The following HDAC4 variants were observed in gnomAD, a reference collection of about 807,000 sequenced individuals.
HDAC4 encodes histone deacetylase A.
In HDAC4, 16 loss-of-function variants were observed where a neutral mutation model predicts 135.1. That is an observed-to-expected ratio of 0.12 (90% CI 0.08 to 0.18). The LOEUF is 0.18. HDAC4 is among the 10% of genes least tolerant of loss of function. HDAC4 has a pLI of 1.00. For synonymous variants in HDAC4, 685 were observed against 653.4 expected (o/e 1.05, Z -0.74); for missense variants, 1,143 against 1,511.8 (o/e 0.76, Z 4.05).
intron 13 of HDAC4, among the ~76,000 whole-genome samples, chr2:239,113,495 G>A (rs2038863732): frequency 6.6e-6 from 1 of 152,242 alleles, no homozygotes; most frequent in Non-Finnish European, 1.5e-5. Context: ...ATTGCTCCGT[G>A]TACTACGACG....
At chr2:239,179,327 T>C (rs1366888194) in intron 4 of HDAC4, among the ~76,000 whole-genome samples, 3 of 152,174 alleles carry the variant, frequency 2.0e-5, no homozygotes, top group Non-Finnish European at 4.4e-5. Flanking sequence ...CCTGGCCTGT[T>C]AGGAAATGGG....
chr2:239,343,049 C>T (rs980342002), intron 2 of HDAC4, among the ~76,000 whole-genome samples: 2 of 152,192 alleles, frequency 1.3e-5, no homozygotes, highest in African/African-American at 4.8e-5. Context: ...CCCACCAATG[C>T]GTATCACTCC....
intron 3 of HDAC4, among the ~76,000 whole-genome samples, chr2:239,231,097 C>T (rs144340494): frequency 8.5e-4 from 129 of 152,256 alleles, no homozygotes; most frequent in African/African-American, 3.1e-3. Flanking sequence ...CTAGTTAATC[C>T]CCTTTAAGGT....
intron 1 of HDAC4, among the ~76,000 whole-genome samples, chr2:239,399,421 C>A (rs904602090): frequency 5.9e-5 from 9 of 152,168 alleles, no homozygotes; most frequent in African/African-American, 2.2e-4. Context: ...CTCTCCCCAG[C>A]CACCACCACC....
At position 239,068,319 on chromosome 2, in the gene HDAC4, TCTCTGGGGC is replaced by T. The variant is rs2033789133; in HGVS notation, c.2869+161_2869+169del. On this transcript the variant is annotated intron_variant, in intron 23 of 26. Coordinates refer to ENST00000543185, the MANE Select transcript of HDAC4 (RefSeq NM_001378414.1). The surrounding 1 kb of genome is among the most constrained non-coding windows in gnomAD (Gnocchi z 4.4). ...TGAGCTCCCGCTGCCTGCTCTGGGCTCTCTGGGGCCTCCCAAATGGACTGGTTCCCAGTA... is the reference window on the plus strand; with the variant it reads ...TGAGCTCCCGCTGCCTGCTCTGGGCTCTCCCAAATGGACTGGTTCCCAGTA... Among the ~76,000 whole-genome samples, 1 of 152,122 alleles carries T rather than the reference TCTCTGGGGC, an allele frequency of 6.6e-6. No homozygotes were observed. Among genetic ancestry groups the T allele is most frequent in the Non-Finnish European group, 1.5e-5 (1 of 67,986 alleles).
intron 3 of HDAC4, among the ~76,000 whole-genome samples, chr2:239,209,823 C>A (rs940189407): frequency 2.0e-5 from 3 of 152,164 alleles, no homozygotes; most frequent in Non-Finnish European, 4.4e-5. Flanking sequence ...TTCCAAAGAA[C>A]AGCAGAAGGT....
intron 1 of HDAC4, among the ~76,000 whole-genome samples, chr2:239,368,567 A>AG (rs1694385306): frequency 6.6e-6 from 1 of 152,034 alleles, no homozygotes; most frequent in Non-Finnish European, 1.5e-5. Context: ...GGGGGATAAC[A>AG]GGGGGGTACA....
intron 12 of HDAC4, among the ~76,000 whole-genome samples, chr2:239,124,545 T>C (rs2039974941): frequency 7.5e-6 from 1 of 134,118 alleles, no homozygotes; most frequent in Non-Finnish European, 1.6e-5. Context: ...TGGCCGTGCG[T>C]CATTCCACGT....
chr2:239,324,362 G>T (rs1171370329), intron 2 of HDAC4, among the ~76,000 whole-genome samples: 1 of 152,222 alleles, frequency 6.6e-6, no homozygotes, highest in Non-Finnish European at 1.5e-5. Flanking sequence ...ATCCTGAACA[G>T]AAAGGCTGGT....
At chr2:239,290,039 C>T (rs1386807772) in intron 2 of HDAC4, among the ~76,000 whole-genome samples, 2 of 152,092 alleles carry the variant, frequency 1.3e-5, no homozygotes, top group African/African-American at 2.4e-5. Context: ...ATTTTCTAAT[C>T]CAATTACGGC....
intron 3 of HDAC4, among the ~76,000 whole-genome samples, chr2:239,208,691 G>A (rs1401708902): frequency 1.5e-4 from 22 of 151,310 alleles, no homozygotes; most frequent in Non-Finnish European, 1.5e-5. Context: ...TGACAGGGAA[G>A]TCAATAGAGC....
intron 3 of HDAC4, among the ~76,000 whole-genome samples, chr2:239,214,948 T>G (rs1664265010): frequency 6.6e-6 from 1 of 152,098 alleles, no homozygotes; most frequent in Non-Finnish European, 1.5e-5. Flanking sequence ...CAGGGGAAGA[T>G]CAGGAGCCTG....
At chr2:239,232,184 T>C (rs1559260708) in intron 3 of HDAC4, among the ~76,000 whole-genome samples, 1 of 152,248 alleles carries the variant, frequency 6.6e-6, no homozygotes, top group Non-Finnish European at 1.5e-5. Flanking sequence ...ACAATAAACA[T>C]ACATTGCTTT....
chr2:239,316,122 C>T (rs1288921936), intron 2 of HDAC4, among the ~76,000 whole-genome samples: 2 of 152,144 alleles, frequency 1.3e-5, no homozygotes, highest in African/African-American at 4.8e-5. Context: ...CCTTCATCTA[C>T]CAAATCAGCA....
At chr2:239,169,501 C>A (rs1360299954) in intron 5 of HDAC4, among the ~76,000 whole-genome samples, 1 of 152,258 alleles carries the variant, frequency 6.6e-6, no homozygotes, top group Admixed American at 6.5e-5. Context: ...TGGGCCCCGC[C>A]CAGCAGGCCG....
At chr2:239,371,436 C>T (rs1694608255) in intron 1 of HDAC4, among the ~76,000 whole-genome samples, 1 of 150,488 alleles carries the variant, frequency 6.6e-6, no homozygotes, top group Non-Finnish European at 1.5e-5. Context: ...CAAACTCACA[C>T]ATTCAATCAC....
chr2:239,073,810 T>C (rs895435710), intron 22 of HDAC4, among the ~76,000 whole-genome samples: 1 of 152,136 alleles, frequency 6.6e-6, no homozygotes, highest in African/African-American at 2.4e-5. Flanking sequence ...AGTGGCAGGA[T>C]GGAGAGAATG....
rs981817581 is a variant in HDAC4 at position 239,306,314 on chromosome 2, G to T, written c.22+46364C>A. ...AGCTCCCTGGCCCATCCACAGGTGG[G>T]TGAGCTCCCACCCAGGTCCAGCAAG... On this transcript the variant is annotated intron_variant, in intron 2 of 26. Coordinates refer to ENST00000543185, the MANE Select transcript of HDAC4 (RefSeq NM_001378414.1). The surrounding 1 kb of genome is among the most constrained non-coding windows in gnomAD (Gnocchi z 4.5). Among the ~76,000 whole-genome samples, 1 of 152,132 alleles carries T rather than the reference G, an allele frequency of 6.6e-6. No homozygotes were observed. Among genetic ancestry groups the T allele is most frequent in the African/African-American group, 2.4e-5 (1 of 41,420 alleles).
chr2:239,277,673 C>G (rs11680988), intron 2 of HDAC4, among the ~76,000 whole-genome samples: 4 of 152,146 alleles, frequency 2.6e-5, no homozygotes, highest in Non-Finnish European at 4.4e-5. Flanking sequence ...AGCCGCCCAG[C>G]CTGGTGTAGC....
Sources: allele counts gnomAD v4.1 joint callset (sites outside exome capture counted in the v4.1 genomes callset), GRCh38; gene constraint gnomAD v4.1.1; non-coding constraint Gnocchi (gnomAD v3.1); transcripts MANE v1.5; gene names NCBI Gene and HGNC (gene_info 2026-07-23, HGNC 2026-07-21).